Variants in PDCD1LG2 observed in about 807,000 individuals in gnomAD.
The protein encoded by PDCD1LG2 is B7 dendritic cell molecule.
Under a neutral mutation model 28.2 loss-of-function variants are expected in PDCD1LG2, and 32 were observed. The observed-to-expected ratio is 1.13, with a 90% CI of 0.86 to 1.52. The LOEUF (loss-of-function observed/expected upper bound fraction) is 1.52. Ranked by LOEUF, PDCD1LG2 falls within the 40% of genes most tolerant of loss-of-function variation. The pLI is 0.00. For synonymous variants in PDCD1LG2, 116 were observed against 120.2 expected, an observed-to-expected ratio of 0.97 and a Z score of 0.23; for missense variants, 385 against 323.8, an observed-to-expected ratio of 1.19 and a Z score of -1.45.
In PDCD1LG2 at chr9:5,522,619, G is replaced by C. The variant is rs2129726994; in HGVS notation, c.55+18G>C. On this transcript the variant is annotated intron_variant, in intron 2 of 6. Coordinates refer to ENST00000397747, the MANE Select transcript of PDCD1LG2 (RefSeq NM_025239.4). ...GATAGCAGGTAAGAAAGGACAAAGG[G>C]AGAGGCTTAAGAAAGAAGAGCAGGT... 1 of 1,611,796 alleles carries C rather than the reference G, an allele frequency of 6.2e-7. No homozygotes were observed. Among genetic ancestry groups the C allele is most frequent in the Non-Finnish European group, 8.5e-7 (1 of 1,178,220 alleles).
chr9:5,516,850 A>T (rs940722592), intron 1 of PDCD1LG2, among the ~76,000 whole-genome samples: 6 of 152,154 alleles, frequency 3.9e-5, no homozygotes, highest in African/African-American at 1.4e-4. Flanking sequence ...GGGAGCAGGC[A>T]CTTTCAACCT....
intron 3 of PDCD1LG2, 75 bp from the exon 4 acceptor site, chr9:5,549,260 C>T: frequency 7.3e-7 from 1 of 1,366,026 alleles, no homozygotes. Flanking sequence ...TTATTCATTT[C>T]ACATGGCATG....
chr9:5,566,497 A>C (rs1816668296), intron 6 of PDCD1LG2, among the ~76,000 whole-genome samples: 1 of 152,198 alleles, frequency 6.6e-6, no homozygotes, highest in South Asian at 2.1e-4. Flanking sequence ...AGAAGATGTA[A>C]GAGTTGGCAT....
intron 5 of PDCD1LG2, among the ~76,000 whole-genome samples, chr9:5,559,401 T>G (rs1816513202): frequency 6.6e-6 from 1 of 152,212 alleles, no homozygotes; most frequent in Admixed American, 6.5e-5. Flanking sequence ...GTGTCTGCCA[T>G]GCACACAAAC....
At chr9:5,565,030 C>T (rs1816635990) in intron 6 of PDCD1LG2, among the ~76,000 whole-genome samples, 2 of 152,318 alleles carry the variant, frequency 1.3e-5, no homozygotes, top group South Asian at 4.1e-4. Context: ...CCCTGCTTCC[C>T]ATTTTATAGG....
intron 4 of PDCD1LG2, among the ~76,000 whole-genome samples, chr9:5,555,119 A>T (rs1816411036): frequency 6.6e-6 from 1 of 152,218 alleles, no homozygotes; most frequent in African/African-American, 2.4e-5. Context: ...CATTGCTAAG[A>T]GTATGCCATT....
intron 2 of PDCD1LG2, among the ~76,000 whole-genome samples, chr9:5,533,971 T>C (rs574116282): frequency 6.6e-5 from 10 of 151,262 alleles, no homozygotes; most frequent in Non-Finnish European, 1.2e-4. Context: ...TTCCCTTTAT[T>C]GTCAGAAAAT....
At chr9:5,526,099 GCCAGTTA>G (rs1177705351) in intron 2 of PDCD1LG2, among the ~76,000 whole-genome samples, 1 of 151,316 alleles carries the variant, frequency 6.6e-6, no homozygotes. Flanking sequence ...TATTCAGGAC[GCCAGTTA>G]CCTCTGGTGC....
At chr9:5,512,579 CT>C (rs1472350085) in intron 1 of PDCD1LG2, among the ~76,000 whole-genome samples, 1 of 152,190 alleles carries the variant, frequency 6.6e-6, no homozygotes, top group Non-Finnish European at 1.5e-5. Flanking sequence ...GAGTTCAGAT[CT>C]TTTCTTTATA....
chr9:5,563,026 C>A (rs139704848), intron 5 of PDCD1LG2, 136 bp from the exon 6 acceptor site: 3 of 720,986 alleles, frequency 4.2e-6, no homozygotes, highest in Non-Finnish European at 6.9e-6. Context: ...CATCCGAAGT[C>A]CCAGGCCACA....
chr9:5,517,226 G>C (rs1034659003), intron 1 of PDCD1LG2, among the ~76,000 whole-genome samples: 1 of 152,214 alleles, frequency 6.6e-6, no homozygotes, highest in Non-Finnish European at 1.5e-5. Context: ...ACATAAGACA[G>C]TCTCAGGAGA....
chr9:5,562,910 C>T (rs185687146), intron 5 of PDCD1LG2, among the ~76,000 whole-genome samples: 44 of 152,330 alleles, frequency 2.9e-4, no homozygotes, highest in Non-Finnish European at 4.4e-4. Context: ...ATTAGTCCCT[C>T]AGCCTTTAAG....
intron 3 of PDCD1LG2, among the ~76,000 whole-genome samples, chr9:5,540,255 T>C (rs948260344): frequency 2.0e-5 from 3 of 152,184 alleles, no homozygotes; most frequent in African/African-American, 7.2e-5. Context: ...GAAACATTCA[T>C]AGCATTAAAT....
chr9:5,538,879 A>G (rs10815241), intron 3 of PDCD1LG2, among the ~76,000 whole-genome samples: 62,746 of 151,788 alleles, frequency 0.41, 14,706 homozygotes, highest in African/African-American at 0.65. Context: ...TATTTATGGG[A>G]TACATAGTGA....
At chr9:5,541,235 G>A (rs981800960) in intron 3 of PDCD1LG2, among the ~76,000 whole-genome samples, 1 of 152,094 alleles carries the variant, frequency 6.6e-6, no homozygotes, top group Non-Finnish European at 1.5e-5. Context: ...AGCTAACTAC[G>A]ACAAACCCAC....
intron 2 of PDCD1LG2, among the ~76,000 whole-genome samples, chr9:5,531,209 G>A (rs1223097329): frequency 6.6e-6 from 1 of 152,216 alleles, no homozygotes; most frequent in Admixed American, 6.5e-5. Flanking sequence ...AATCTAATTT[G>A]CAGCTGGGCT....
chr9:5,526,991 A>G (rs966494239), intron 2 of PDCD1LG2, among the ~76,000 whole-genome samples: 1 of 152,180 alleles, frequency 6.6e-6, no homozygotes, highest in Non-Finnish European at 1.5e-5. Context: ...GACTGTGATG[A>G]AAGTTGCCTC....
At chr9:5,525,258 T>C (rs920545459) in intron 2 of PDCD1LG2, among the ~76,000 whole-genome samples, 3 of 150,860 alleles carry the variant, frequency 2.0e-5, no homozygotes, top group Admixed American at 6.6e-5. Context: ...GGCAGAAAAA[T>C]TGCTTGAACC....
At chr9:5,548,715 G>A (rs758667185) in intron 3 of PDCD1LG2, among the ~76,000 whole-genome samples, 1 of 152,178 alleles carries the variant, frequency 6.6e-6, no homozygotes, top group African/African-American at 2.4e-5. Flanking sequence ...ATCTGCATGT[G>A]TTAGGGAGAA....
Sources: allele counts gnomAD v4.1 joint callset (sites outside exome capture counted in the v4.1 genomes callset), GRCh38; gene constraint gnomAD v4.1.1; transcripts MANE v1.5; gene names NCBI Gene and HGNC (gene_info 2026-07-23, HGNC 2026-07-21).